The following CIRSR variants were observed in gnomAD, a reference collection of about 807,000 sequenced individuals.
The protein encoded by CIRSR is corepressor of RBPJ and splicing regulator, also known as CBF1 (RBPJ) interacting corepressor 1.
the CIRSR span, among the ~76,000 whole-genome samples, chr2:174,386,811 T>C: frequency 2.0e-5 from 3 of 152,262 alleles, no homozygotes; most frequent in African/African-American, 4.8e-5. Context: ...TATTATTTCC[T>C]ATACTAACAT....
the CIRSR span, among the ~76,000 whole-genome samples, chr2:174,359,823 A>G: frequency 2.6e-5 from 4 of 152,220 alleles, no homozygotes; most frequent in African/African-American, 9.7e-5. Context: ...ATGTCCATCA[A>G]TGACAGATTG....
chr2:174,389,311 T>C, the CIRSR span, among the ~76,000 whole-genome samples: 2 of 152,260 alleles, frequency 1.3e-5, no homozygotes, highest in Non-Finnish European at 1.5e-5. Flanking sequence ...CTGATAGTAA[T>C]ATGGACAATG....
the CIRSR span, among the ~76,000 whole-genome samples, chr2:174,367,345 C>T: frequency 6.6e-6 from 1 of 151,900 alleles, no homozygotes; most frequent in African/African-American, 2.4e-5. Context: ...TTTGGGAGGC[C>T]GAGGCAGACG....
chr2:174,349,564 TAAAAAAAAAAAAA>T, the CIRSR span, among the ~76,000 whole-genome samples: 2 of 105,128 alleles, frequency 1.9e-5, no homozygotes, highest in Non-Finnish European at 3.9e-5. Context: ...GACTCTGTCT[TAAAAAAAAAAAAA>T]AAAAAAAAAA....
chr2:174,394,087 G>A, the CIRSR span, among the ~76,000 whole-genome samples: 1 of 152,240 alleles, frequency 6.6e-6, no homozygotes, highest in East Asian at 1.9e-4. Flanking sequence ...TAGGTTCTAA[G>A]CCTATAACTG....
the CIRSR span, among the ~76,000 whole-genome samples, chr2:174,393,266 G>GA: frequency 6.7e-6 from 1 of 150,322 alleles, no homozygotes; most frequent in South Asian, 2.1e-4. Context: ...ACAAAATCAA[G>GA]AAAAAAAAAG....
At chr2:174,393,534 TG>T in the CIRSR span, among the ~76,000 whole-genome samples, 1,931 of 152,242 alleles carry the variant, frequency 0.013, 43 homozygotes, top group African/African-American at 0.043. Flanking sequence ...TAAATATAGA[TG>T]GGGTCTCACT....
the CIRSR span, among the ~76,000 whole-genome samples, chr2:174,353,225 C>T: frequency 2.0e-5 from 3 of 151,988 alleles, no homozygotes; most frequent in African/African-American, 7.3e-5. Context: ...GGAAAAAAAG[C>T]CTTATTTAGT....
the CIRSR span, among the ~76,000 whole-genome samples, chr2:174,390,912 C>T: frequency 6.6e-6 from 1 of 152,182 alleles, no homozygotes; most frequent in Non-Finnish European, 1.5e-5. Flanking sequence ...GAGGCCTCCC[C>T]AGCCCTGCAG....
the CIRSR span, among the ~76,000 whole-genome samples, chr2:174,377,824 C>CAAAAAAAAAAAAA: frequency 1.7e-5 from 1 of 60,056 alleles, no homozygotes; most frequent in Non-Finnish European, 2.9e-5. Flanking sequence ...GACGCCATCT[C>CAAAAAAAAAAAAA]AAAAAAAAAA....
the CIRSR span, chr2:174,358,651 C>T: frequency 6.6e-6 from 1 of 152,614 alleles, no homozygotes; most frequent in Admixed American, 6.5e-5. Flanking sequence ...ATTCATAGCC[C>T]TACAAGACTA....
chr2:174,386,409 C>T, the CIRSR span, among the ~76,000 whole-genome samples: 22 of 152,092 alleles, frequency 1.4e-4, no homozygotes, highest in Admixed American at 1.4e-3. Context: ...CTCGAACTCC[C>T]GACTTCAGGT....
the CIRSR span, among the ~76,000 whole-genome samples, chr2:174,393,525 A>G: frequency 6.6e-6 from 1 of 151,962 alleles, no homozygotes; most frequent in East Asian, 1.9e-4. Context: ...CTTTCTTTTT[A>G]AATATAGATG....
chr2:174,354,468 T>A, the CIRSR span, among the ~76,000 whole-genome samples: 3 of 91,154 alleles, frequency 3.3e-5, no homozygotes, highest in African/African-American at 8.8e-5. Context: ...ATATATAAAA[T>A]ATATATAATA....
At chr2:174,365,420 T>C in the CIRSR span, among the ~76,000 whole-genome samples, 9 of 152,228 alleles carry the variant, frequency 5.9e-5, no homozygotes, top group African/African-American at 1.7e-4. Context: ...AGTTCCAAAG[T>C]TGCTTCCACA....
At chr2:174,395,611 G>C in the CIRSR span, 1 of 1,614,154 alleles carries the variant, frequency 6.2e-7, no homozygotes, top group Non-Finnish European at 8.5e-7. Context: ...AGTTGGCGAA[G>C]GATTTCCCCA....
chr2:174,395,110 C>A, the CIRSR span, among the ~76,000 whole-genome samples: 1 of 152,118 alleles, frequency 6.6e-6, no homozygotes, highest in Non-Finnish European at 1.5e-5. Flanking sequence ...CACTAAACTT[C>A]AACGAGTTTA....
the CIRSR span, among the ~76,000 whole-genome samples, chr2:174,374,016 A>G: frequency 6.6e-6 from 1 of 152,214 alleles, no homozygotes; most frequent in Non-Finnish European, 1.5e-5. Flanking sequence ...CTCTTCTACA[A>G]CAGCCCCTCT....
At chr2:174,371,285 C>A in the CIRSR span, among the ~76,000 whole-genome samples, 1 of 152,126 alleles carries the variant, frequency 6.6e-6, no homozygotes, top group Non-Finnish European at 1.5e-5. Context: ...AATTATAGTT[C>A]ACGAAAGTTG....
Sources: gnomAD v4.1 joint callset for allele counts (sites outside exome capture counted in the v4.1 genomes callset) on GRCh38, gnomAD v4.1.1 for gene constraint, MANE v1.5 for transcripts, NCBI Gene and HGNC (gene_info 2026-07-23, HGNC 2026-07-21) for gene names.